The following PARG variants were observed in gnomAD, a reference collection of about 807,000 sequenced individuals.
PARG encodes mitochondrial poly(ADP-ribose) glycohydrolase.
In PARG, 35 loss-of-function variants were observed where a neutral mutation model predicts 113.0. The ratio of observed to expected loss-of-function variants is 0.31; its 90% CI spans 0.24 to 0.41. The LOEUF is 0.41. Among genes scored for constraint, PARG ranks in the 10% least tolerant of loss-of-function variants. The pLI is 1.00. For synonymous variants in PARG, 330 were observed against 409.9 expected, an observed-to-expected ratio of 0.81 and a Z score of 2.36; for missense variants, 797 against 1,169.4, an observed-to-expected ratio of 0.68 and a Z score of 4.64.
At chr10:49,843,813 C>T (rs970851006) in intron 13 of PARG, among the ~76,000 whole-genome samples, 181 bp from the exon 14 acceptor site, 1 of 152,094 alleles carries the variant, frequency 6.6e-6, no homozygotes, top group African/African-American at 2.4e-5. Context: ...TCAAACTGTC[C>T]CTATTTGTAG....
chr10:49,927,757 G>A (rs1265915917), intron 4 of PARG, among the ~76,000 whole-genome samples: 81 of 151,944 alleles, frequency 5.3e-4, no homozygotes, highest in African/African-American at 1.9e-3. Context: ...ATCACTTGAG[G>A]CCTGGAGTTC....
chr10:49,843,439 T>C, intron 14 of PARG, 115 bp downstream of exon 14: 2 of 710,104 alleles, frequency 2.8e-6, no homozygotes, highest in Non-Finnish European at 5.1e-6. Flanking sequence ...TCTTTTCTTT[T>C]TTCTTTTTAA....
chr10:49,850,291 G>C (rs1845700686), intron 13 of PARG, among the ~76,000 whole-genome samples: 1 of 141,848 alleles, frequency 7.0e-6, no homozygotes, highest in African/African-American at 2.7e-5. Context: ...ATCTTCACTA[G>C]CTAGGTGACC....
At chr10:49,895,391 AC>A (rs1848028418) in intron 7 of PARG, among the ~76,000 whole-genome samples, 1 of 151,876 alleles carries the variant, frequency 6.6e-6, no homozygotes, top group African/African-American at 2.4e-5. Context: ...GGAACTGCAT[AC>A]AGGGAGAACT....
chr10:49,897,250 G>A (rs1469151408), intron 7 of PARG, among the ~76,000 whole-genome samples: 1 of 151,008 alleles, frequency 6.6e-6, no homozygotes, highest in African/African-American at 2.5e-5. Context: ...CAGAGATGTG[G>A]TCAGAATTAT....
At chr10:49,938,263 T>A in intron 1 of PARG, among the ~76,000 whole-genome samples, 1 of 152,300 alleles carries the variant, frequency 6.6e-6, no homozygotes, top group East Asian at 1.9e-4. Context: ...GAGAAAATAT[T>A]GTGTTCAGCC....
rs1838610357 is a variant in PARG at position 49,933,785 on chromosome 10, C to T, written c.663G>A (p.Gln221=). ...CTCTGGCCTGTTCATCTTCTGTAGT[C>T]TGCTTTGCATTTGCAAGCTTTACAG... ...LTTVKLANAK[Q]TTEDEQAREA... The change falls in exon 3 of 18, where the codon CAG becomes CAA. Residue 221 remains glutamine (Q), a synonymous_variant. Coordinates refer to ENST00000616448, the MANE Select transcript of PARG (RefSeq NM_003631.5). 12 of 1,613,528 alleles carry T rather than the reference C, an allele frequency of 7.4e-6. No individual in the cohort carries two copies. The Admixed American group carries it at 8.3e-5, about 11-fold the overall frequency.
In PARG at chr10:49,827,563, A is replaced by G. The variant is rs147841823; in HGVS notation, c.2647+5240T>C. ...CTAAATACCACAGCTTCAGGCTGCT[A>G]AGCACCTAAAACAAAACAAAACAGA... On this transcript the variant is annotated intron_variant, in intron 16 of 17. Coordinates refer to ENST00000616448, the MANE Select transcript of PARG (RefSeq NM_003631.5). Among the ~76,000 whole-genome samples, 11 of 152,294 alleles carry G rather than the reference A, an allele frequency of 7.2e-5. No homozygotes were observed. In the East Asian group the frequency reaches 2.1e-3, roughly 29 times the overall value.
At chr10:49,922,293 A>G in intron 6 of PARG, 43 bp downstream of exon 6, 4 of 1,564,308 alleles carry the variant, frequency 2.6e-6, no homozygotes, top group Non-Finnish European at 3.5e-6. Context: ...GAAAGAGGAG[A>G]CACAGGGCCC....
intron 15 of PARG, among the ~76,000 whole-genome samples, chr10:49,836,589 A>G (rs1454041095): frequency 1.3e-5 from 2 of 152,116 alleles, no homozygotes; most frequent in Non-Finnish European, 2.9e-5. Flanking sequence ...CTGATTCTAT[A>G]TATTGGGAAA....
rs1029785849 is a variant in PARG, at chr10:49,836,033, C to T, written c.2542-3125G>A. Among the ~76,000 whole-genome samples the T allele has an allele frequency of 3.3e-5, 5 of 152,108 alleles. No homozygotes were observed. The East Asian group carries it at 9.6e-4, about 29-fold the overall frequency. ...CATACCATCTAGCCTAGGTGAGTAG[C>T]AGGCTATACCACTTAGGTTGTGTAA... On this transcript the variant is annotated intron_variant, in intron 15 of 17. Transcript: ENST00000616448.
At chr10:49,848,314 A>G (rs1845606076) in intron 13 of PARG, among the ~76,000 whole-genome samples, 1 of 148,964 alleles carries the variant, frequency 6.7e-6, no homozygotes, top group Non-Finnish European at 1.5e-5. Flanking sequence ...GCGCCACTGC[A>G]CTCCAGCCTG....
At chr10:49,911,190 G>A (rs1837162517) in intron 7 of PARG, among the ~76,000 whole-genome samples, 1 of 151,924 alleles carries the variant, frequency 6.6e-6, no homozygotes, top group Admixed American at 6.6e-5. Context: ...GGCTGAGGCG[G>A]GAGAATCACT....
chr10:49,916,855 A>T (rs1346745905), intron 6 of PARG, among the ~76,000 whole-genome samples: 10 of 152,186 alleles, frequency 6.6e-5, no homozygotes, highest in African/African-American at 2.4e-4. Context: ...ACACACTCAA[A>T]ATTTTTTTAC....
chr10:49,894,800 C>T (rs185727365), intron 7 of PARG, among the ~76,000 whole-genome samples: 1 of 152,258 alleles, frequency 6.6e-6, no homozygotes, highest in African/African-American at 2.4e-5. Context: ...AACCACAAAC[C>T]AGGCAGCTTA....
intron 5 of PARG, 35 bp from the exon 6 acceptor site, chr10:49,922,454 T>C (rs140598823): frequency 2.5e-3 from 4,014 of 1,609,546 alleles, no homozygotes; most frequent in East Asian, 0.014. Context: ...GAGGAAGCTA[T>C]TCTAAGTTGT....
intron 7 of PARG, among the ~76,000 whole-genome samples, chr10:49,912,279 A>T (rs1381013689): frequency 6.6e-6 from 1 of 152,160 alleles, no homozygotes. Flanking sequence ...CAGCCTGGGC[A>T]ATAGAGTGAG....
intron 7 of PARG, among the ~76,000 whole-genome samples, chr10:49,897,138 C>T (rs541769334): frequency 3.2e-4 from 48 of 152,248 alleles, no homozygotes; most frequent in African/African-American, 1.0e-3. Context: ...TAACTATTTG[C>T]ACCTCCTGAC....
At chr10:49,843,091 A>T (rs571718679) in intron 14 of PARG, among the ~76,000 whole-genome samples, 6 of 152,384 alleles carry the variant, frequency 3.9e-5, no homozygotes, top group Admixed American at 1.3e-4. Context: ...GAGACAAAGC[A>T]GCAAAGCACA....
Sources: gnomAD v4.1 joint callset for allele counts (sites outside exome capture counted in the v4.1 genomes callset) on GRCh38, gnomAD v4.1.1 for gene constraint, MANE v1.5 for transcripts, NCBI Gene and HGNC (gene_info 2026-07-23, HGNC 2026-07-21) for gene names.